Variants in ANKRD49 observed in about 807,000 individuals in gnomAD.
The protein encoded by ANKRD49 is ankyrin repeat domain-containing protein 49.
In ANKRD49, 18 loss-of-function variants were observed where a neutral mutation model predicts 19.6. The ratio of observed to expected loss-of-function variants is 0.92; its 90% CI spans 0.63 to 1.36. The LOEUF is 1.36. Among genes scored for constraint, ANKRD49 ranks in the 40% most tolerant of loss-of-function variants. ANKRD49 has a pLI of 0.00. For missense variants in ANKRD49, 218 were observed against 281.6 expected (o/e 0.77, Z 1.62); for synonymous variants, 88 against 101.8 (o/e 0.86, Z 0.82).
chr11:94,498,126 A>C lies in ANKRD49; in HGVS notation c.314A>C (p.Asp105Ala). Residue 105 changes from aspartate (D) to alanine (A), a missense_variant, in exon 3 of 3, where the codon GAT becomes GCT. Physicochemically the swap from Asp to Ala is moderately radical, Grantham distance 126 (BLOSUM62 -2). Coordinates refer to ENST00000544612, the MANE Select transcript of ANKRD49 (RefSeq NM_017704.3). ...SEKATHVNTR[D>A]EDEYTPLHRA... The stretch of plus-strand genomic sequence containing the variant: ...AAGGCCACTCACGTGAACACTAGGG[A>C]TGAAGATGAGTATACCCCTCTTCAT... 1.2e-6 allele frequency: 2 copies of C among 1,614,050 alleles called. No homozygotes were observed. The highest frequency in any genetic ancestry group is 1.7e-6 in the Non-Finnish European group (2 of 1,180,018).
chr11:94,498,390 T>C lies in ANKRD49; in HGVS notation c.578T>C (p.Leu193Pro), dbSNP rs1488987325. ...GNRDSKDTLE[L>P]LLMNRYVKPG... Reference sequence around the variant, plus strand: ...AGAGACAGCAAGGATACCCTAGAACTCCTCCTGATGAACCGTTACGTCAAA... The same window carrying C: ...AGAGACAGCAAGGATACCCTAGAACCCCTCCTGATGAACCGTTACGTCAAA... The change falls in exon 3 of 3, where the codon CTC becomes CCC. Residue 193 changes from leucine to proline, a missense_variant. By Grantham distance (98) the Leu-to-Pro change is moderately conservative. Transcript: ENST00000544612. 6.2e-7 allele frequency: 1 copy of C among 1,613,102 alleles called. No homozygotes were observed. Among genetic ancestry groups the C allele is most frequent in the East Asian group, 2.2e-5 (1 of 44,838 alleles).
chr11:94,498,388 A>G lies in ANKRD49; in HGVS notation c.576A>G (p.Glu192=), dbSNP rs1228233202. 6.2e-6 allele frequency: 10 copies of G among 1,613,102 alleles called. No homozygotes were observed. Among genetic ancestry groups the G allele is most frequent in the Non-Finnish European group, 8.5e-6 (10 of 1,179,854 alleles). ...ACAGAGACAGCAAGGATACCCTAGAACTCCTCCTGATGAACCGTTACGTCA... is the reference window on the plus strand; with the variant it reads ...ACAGAGACAGCAAGGATACCCTAGAGCTCCTCCTGATGAACCGTTACGTCA... ...AGNRDSKDTL[E]LLLMNRYVKP... The change falls in exon 3 of 3, where the codon GAA becomes GAG. Residue 192 remains glutamate, a synonymous_variant. Transcript: ENST00000544612.
intron 1 of ANKRD49, among the ~76,000 whole-genome samples, chr11:94,494,475 A>G (rs1197119959): frequency 1.3e-5 from 2 of 152,204 alleles, no homozygotes; most frequent in African/African-American, 4.8e-5. Flanking sequence ...GTTTTAATCT[A>G]TCTGAACCTC....
chr11:94,498,081 T>C lies in ANKRD49; in HGVS notation c.269T>C (p.Val90Ala). ...TTTTTTTCTTCTCAGCTTACCACAG[T>C]GCGGAGACTCCTTTCTGAAAAGGCC... The part of the protein sequence containing the change: ...WAAEKNRLTT[V>A]RRLLSEKATH... The change falls in exon 3 of 3, where the codon GTG becomes GCG. Residue 90 changes from valine (V) to alanine (A), a missense_variant. Val to Ala is a moderately conservative substitution (Grantham distance 64). Coordinates refer to ENST00000544612, the MANE Select transcript of ANKRD49 (RefSeq NM_017704.3). 1.9e-6 allele frequency: 3 copies of C among 1,608,570 alleles called. No individual in the cohort carries two copies. Among genetic ancestry groups the C allele is most frequent in the Non-Finnish European group, 2.5e-6 (3 of 1,177,236 alleles).
In ANKRD49 at chr11:94,498,692, G is replaced by A; in HGVS notation, c.*160G>A. The stretch of plus-strand genomic sequence containing the variant: ...AATTGCCTGACTTTGATGTCAAAAT[G>A]TATTTGAAAGTAATTTGCATATATC... On this transcript the variant is annotated 3_prime_UTR_variant, in exon 3 of 3. Coordinates refer to ENST00000544612, the MANE Select transcript of ANKRD49 (RefSeq NM_017704.3). 3.1e-6 allele frequency: 2 copies of A among 637,322 alleles called. No homozygotes were observed. The highest frequency in any genetic ancestry group is 5.4e-6 in the Non-Finnish European group (2 of 369,814). 39.5% of individuals were successfully genotyped at this position (637,322 alleles called of 1,614,324 possible).
chr11:94,496,682 T>A lies in ANKRD49; in HGVS notation c.-12T>A. Reference sequence around the variant, plus strand: ...CATTTGAAATGCTTTTTATTTAGAATAGTAGTAAAAAATGGAAAAAGAAAA... The same window carrying A: ...CATTTGAAATGCTTTTTATTTAGAAAAGTAGTAAAAAATGGAAAAAGAAAA... On this transcript the variant is annotated 5_prime_UTR_variant, in exon 2 of 3. Transcript: ENST00000544612. 1.9e-6 allele frequency: 3 copies of A among 1,564,460 alleles called. No homozygotes were observed. The South Asian group carries it at 3.6e-5, about 19-fold the overall frequency.
chr11:94,494,481 A>T lies in ANKRD49; in HGVS notation c.-91+446A>T, dbSNP rs191548470. Among the ~76,000 whole-genome samples the T allele has an allele frequency of 9.0e-4, 137 of 151,992 alleles. 1 individual carries two copies. The highest frequency in any genetic ancestry group is 3.3e-3 in the African/African-American group (135 of 41,424). On this transcript the variant is annotated intron_variant, in intron 1 of 2. Transcript: ENST00000544612. Reference sequence around the variant, plus strand: ...GGGCAAGTTGTTTTAATCTATCTGAACCTCCTTCACCAGTAAGGTTTATAG... The same window carrying T: ...GGGCAAGTTGTTTTAATCTATCTGATCCTCCTTCACCAGTAAGGTTTATAG...
intron 1 of ANKRD49, among the ~76,000 whole-genome samples, chr11:94,495,457 A>T (rs1279824568): frequency 6.6e-6 from 1 of 152,228 alleles, no homozygotes; most frequent in African/African-American, 2.4e-5. Context: ...GCACCAAAAA[A>T]AGTAGAAAGC....
At position 94,496,671 on chromosome 11, in the gene ANKRD49, T is replaced by C. The variant is rs1404144464; in HGVS notation, c.-23T>C. On this transcript the variant is annotated 5_prime_UTR_variant, in exon 2 of 3. Transcript: ENST00000544612. ...TTATATCCTGGCATTTGAAATGCTTTTTATTTAGAATAGTAGTAAAAAATG... is the reference window on the plus strand; with the variant it reads ...TTATATCCTGGCATTTGAAATGCTTCTTATTTAGAATAGTAGTAAAAAATG... 1 of 1,536,726 alleles carries C rather than the reference T, an allele frequency of 6.5e-7. No individual in the cohort carries two copies. The highest frequency in any genetic ancestry group is 1.4e-5 in the African/African-American group (1 of 71,930).
intron 1 of ANKRD49, among the ~76,000 whole-genome samples, chr11:94,494,546 G>T (rs775304179): frequency 6.6e-6 from 1 of 152,110 alleles, no homozygotes; most frequent in Non-Finnish European, 1.5e-5. Flanking sequence ...AGTTGACATA[G>T]TTCGGATCTC....
chr11:94,498,247 G>A lies in ANKRD49; in HGVS notation c.435G>A (p.Leu145=), dbSNP rs1947446210. ...TGACTGTGGATGGCTGGACGCCCCTGCACAGTGCTTGTAAGTGGAATAATA... is the reference window on the plus strand; with the variant it reads ...TGACTGTGGATGGCTGGACGCCCCTACACAGTGCTTGTAAGTGGAATAATA... ...HAVTVDGWTP[L]HSACKWNNTR... The change falls in exon 3 of 3, where the codon CTG becomes CTA. Residue 145 remains leucine, a synonymous_variant. Transcript: ENST00000544612. 4 of 1,614,020 alleles carry A rather than the reference G, an allele frequency of 2.5e-6. No homozygotes were observed. Among genetic ancestry groups the A allele is most frequent in the Admixed American group, 1.7e-5 (1 of 59,988 alleles).
rs1258339520 is a variant in ANKRD49 at position 94,496,793 on chromosome 11, G to A, written c.100G>A (p.Gly34Arg). 1 of 1,613,950 alleles carries A rather than the reference G, an allele frequency of 6.2e-7. No individual in the cohort carries two copies. Among genetic ancestry groups the A allele is most frequent in the South Asian group, 1.1e-5 (1 of 91,072 alleles). Residue 34 changes from glycine (G) to arginine (R), a missense_variant, in exon 2 of 3, where the codon GGA (glycine) becomes AGA (arginine). Coordinates refer to ENST00000544612, the MANE Select transcript of ANKRD49 (RefSeq NM_017704.3). ...FNQLELLETH[G>R]HLIPTGTQSL... ...CCAACTTGAATTGTTGGAAACACAT[G>A]GACACCTTATTCCTACTGGTACTCA...
At chr11:94,498,044 TGAAA>T (rs1947441564) in intron 2 of ANKRD49, 23 bp from the exon 3 acceptor site, 1 of 1,522,292 alleles carries the variant, frequency 6.6e-7, no homozygotes, top group Middle Eastern at 2.1e-4. Context: ...TGAGTTGAGT[TGAAA>T]GATTTCTTTT....
At chr11:94,494,621 G>A (rs1351021983) in intron 1 of ANKRD49, among the ~76,000 whole-genome samples, 1 of 152,094 alleles carries the variant, frequency 6.6e-6, no homozygotes, top group African/African-American at 2.4e-5. Context: ...GGAATATCAG[G>A]AATATCATCA....
chr11:94,498,405 G>A lies in ANKRD49; in HGVS notation c.593G>A (p.Arg198His), dbSNP rs367758315. 6.2e-6 allele frequency: 10 copies of A among 1,613,348 alleles called. No homozygotes were observed. Among genetic ancestry groups the A allele is most frequent in the Non-Finnish European group, 8.5e-6 (10 of 1,179,854 alleles). The change falls in exon 3 of 3, where the codon CGT (arginine) becomes CAT (histidine). Residue 198 changes from arginine (R) to histidine (H), a missense_variant. By Grantham distance (29) the Arg-to-His change is conservative. Coordinates refer to ENST00000544612, the MANE Select transcript of ANKRD49 (RefSeq NM_017704.3). ...ACCCTAGAACTCCTCCTGATGAACC[G>A]TTACGTCAAACCAGGGCTGAAAAAC... is the stretch of plus-strand genomic sequence containing the variant. ...KDTLELLLMNRYVKPGLKNNL... is the reference protein window; with the variant it reads ...KDTLELLLMNHYVKPGLKNNL...
rs1471141403 is a variant in ANKRD49 at position 94,496,886 on chromosome 11, T to C, written c.193T>C (p.Leu65=). ...TGACAAAAATGAAGAGTGGTATCGA[T>C]TGCAAGAAAAAAAAATGGAAAAAGA... The part of the protein sequence containing the change: ...QDDKNEEWYR[L]QEKKMEKDPS... The change falls in exon 2 of 3, where the codon TTG becomes CTG. Residue 65 remains leucine (L), a synonymous_variant. Transcript: ENST00000544612. 3.1e-6 allele frequency: 5 copies of C among 1,613,446 alleles called. No homozygotes were observed. The highest frequency in any genetic ancestry group is 1.7e-4 in the Middle Eastern group (1 of 6,060).
chr11:94,494,772 T>G (rs1386881087), intron 1 of ANKRD49, among the ~76,000 whole-genome samples: 1 of 151,954 alleles, frequency 6.6e-6, no homozygotes, highest in Non-Finnish European at 1.5e-5. Flanking sequence ...ATAAAGGGAG[T>G]TTTTATTGAA....
At chr11:94,497,666 T>G (rs1481828865) in intron 2 of ANKRD49, 1 of 161,988 alleles carries the variant, frequency 6.2e-6, no homozygotes, top group Non-Finnish European at 1.3e-5. Context: ...TTTTAAAAGT[T>G]TCATACAGTG....
At position 94,499,421 on chromosome 11, in the gene ANKRD49, CAG is replaced by C. The variant is rs1199509391; in HGVS notation, c.*890_*891del. ...TTTACAGAGTATACAGGCAAAGTGA[CAG>C]GGGAAAAGGAATTAGTCTAAGAGTA... On this transcript the variant is annotated 3_prime_UTR_variant, in exon 3 of 3. Transcript: ENST00000544612. 6.6e-6 allele frequency: 1 copy of C among 151,116 alleles called. No individual in the cohort carries two copies. Among genetic ancestry groups the C allele is most frequent in the African/African-American group, 2.4e-5 (1 of 41,010 alleles). The allele number at this position is 151,116 out of a possible 1,614,324, so 9.4% of individuals were successfully genotyped here.
Sources: gnomAD v4.1 joint callset for allele counts (sites outside exome capture counted in the v4.1 genomes callset) on GRCh38, gnomAD v4.1.1 for gene constraint, MANE v1.5 for transcripts, NCBI Gene and HGNC (gene_info 2026-07-23, HGNC 2026-07-21) for gene names.